Variants in MAF observed in about 807,000 individuals in gnomAD.
The protein encoded by MAF is transcription factor Maf.
A neutral mutation model predicts 22.0 loss-of-function variants in MAF; 10 were observed. The observed-to-expected ratio is 0.45, with a 90% CI of 0.28 to 0.77. The LOEUF (loss-of-function observed/expected upper bound fraction) is 0.77, where lower values mean the gene tolerates loss of function less well. Among genes scored for constraint, MAF ranks in the 30% least tolerant of loss-of-function variants. MAF has a pLI of 0.12. For synonymous variants in MAF, 337 were observed against 255.8 expected, an observed-to-expected ratio of 1.32 and a Z score of -3.03; for missense variants, 544 against 548.4, an observed-to-expected ratio of 0.99 and a Z score of 0.08.
the MAF span, among the ~76,000 whole-genome samples, chr16:79,341,639 T>G: frequency 1.3e-5 from 2 of 152,226 alleles, no homozygotes; most frequent in African/African-American, 4.8e-5. Flanking sequence ...TTAGGTTGGC[T>G]ATTGAAGACT....
At chr16:79,562,207 C>G in the MAF span, among the ~76,000 whole-genome samples, 2 of 152,128 alleles carry the variant, frequency 1.3e-5, no homozygotes, top group South Asian at 4.2e-4. Context: ...CATTCTGTTC[C>G]CAGTCTTTAC....
the MAF span, among the ~76,000 whole-genome samples, chr16:79,545,907 G>GA: frequency 2.0e-4 from 30 of 151,828 alleles, no homozygotes; most frequent in Non-Finnish European, 2.9e-5. Flanking sequence ...TCACTACCAA[G>GA]AAAAAAATAA....
chr16:79,556,983 TA>T, the MAF span, among the ~76,000 whole-genome samples: 1,458 of 145,936 alleles, frequency 1.0e-2, 40 homozygotes, highest in African/African-American at 0.033. Flanking sequence ...CAACAAGCTT[TA>T]AAAAAAAAAA....
the MAF span, among the ~76,000 whole-genome samples, chr16:79,283,076 G>T: frequency 6.6e-6 from 1 of 152,194 alleles, no homozygotes; most frequent in African/African-American, 2.4e-5. Flanking sequence ...GGGGAATAGG[G>T]AATGTTTCTG....
At chr16:79,540,882 T>G in the MAF span, among the ~76,000 whole-genome samples, 1 of 152,164 alleles carries the variant, frequency 6.6e-6, no homozygotes, top group Non-Finnish European at 1.5e-5. Flanking sequence ...CTAGGTTAAT[T>G]ATTACTCTTT....
At chr16:79,386,671 G>C in the MAF span, among the ~76,000 whole-genome samples, 1 of 152,094 alleles carries the variant, frequency 6.6e-6, no homozygotes, top group African/African-American at 2.4e-5. Flanking sequence ...AGATTGTAAA[G>C]CATGATGATG....
At chr16:79,428,791 G>C in the MAF span, among the ~76,000 whole-genome samples, 1,404 of 152,036 alleles carry the variant, frequency 9.2e-3, 21 homozygotes, top group African/African-American at 0.032. Context: ...GCTGCAGTGA[G>C]CTGAGATTGT....
chr16:79,534,002 G>A, the MAF span, among the ~76,000 whole-genome samples: 1 of 152,140 alleles, frequency 6.6e-6, no homozygotes, highest in African/African-American at 2.4e-5. Context: ...TCACCTGAAG[G>A]CCTCACTGTC....
At chr16:79,407,558 G>A in the MAF span, among the ~76,000 whole-genome samples, 3 of 152,054 alleles carry the variant, frequency 2.0e-5, no homozygotes, top group African/African-American at 7.2e-5. Context: ...CTGAACTCAC[G>A]GTTTAATTAT....
At chr16:79,528,410 G>A in the MAF span, among the ~76,000 whole-genome samples, 1 of 152,174 alleles carries the variant, frequency 6.6e-6, no homozygotes, top group Non-Finnish European at 1.5e-5. Context: ...CCAGGGGCCA[G>A]GAAATCATCC....
chr16:79,531,103 T>C, the MAF span, among the ~76,000 whole-genome samples: 4 of 152,342 alleles, frequency 2.6e-5, no homozygotes, highest in East Asian at 7.7e-4. Flanking sequence ...TATGTACTCT[T>C]AACTTTCTAG....
At chr16:79,596,243 A>C in intron 1 of MAF, 1 of 1,060,116 alleles carries the variant, frequency 9.4e-7, no homozygotes, top group Non-Finnish European at 1.1e-6. Context: ...ACTCATTTGA[A>C]AACTGAAAAC....
chr16:79,268,281 T>A, the MAF span, among the ~76,000 whole-genome samples: 1 of 152,026 alleles, frequency 6.6e-6, no homozygotes, highest in African/African-American at 2.4e-5. Flanking sequence ...AATGTAGTCG[T>A]CTCAGCCTGA....
the MAF span, among the ~76,000 whole-genome samples, chr16:79,376,333 T>C: frequency 6.6e-6 from 1 of 152,100 alleles, no homozygotes; most frequent in Admixed American, 6.5e-5. Flanking sequence ...TCTTCAATCT[T>C]CTCTGCTTTT....
At chr16:79,345,131 G>T in the MAF span, among the ~76,000 whole-genome samples, 3 of 152,088 alleles carry the variant, frequency 2.0e-5, no homozygotes, top group East Asian at 5.8e-4. Flanking sequence ...AACCGTTATT[G>T]TTTTCACTTG....
At chr16:79,574,268 C>A in the MAF span, among the ~76,000 whole-genome samples, 11 of 152,186 alleles carry the variant, frequency 7.2e-5, no homozygotes, top group Admixed American at 1.3e-4. Flanking sequence ...CAGCCAGCAC[C>A]ATTTTCCCTC....
chr16:79,588,101 G>A (rs1343110778), intron 1 of MAF, among the ~76,000 whole-genome samples: 2 of 152,188 alleles, frequency 1.3e-5, no homozygotes, highest in Non-Finnish European at 2.9e-5. Context: ...CCTAACAATT[G>A]AAGAGTTCTT....
At chr16:79,537,532 C>A in the MAF span, among the ~76,000 whole-genome samples, 1 of 152,150 alleles carries the variant, frequency 6.6e-6, no homozygotes, top group Non-Finnish European at 1.5e-5. Flanking sequence ...TAGACTCATG[C>A]CTATGTTCCT....
chr16:79,459,282 G>A, the MAF span, among the ~76,000 whole-genome samples: 1 of 152,126 alleles, frequency 6.6e-6, no homozygotes, highest in African/African-American at 2.4e-5. Flanking sequence ...TTCCATTTTG[G>A]CATATATTCT....
Sources: allele counts gnomAD v4.1 joint callset (sites outside exome capture counted in the v4.1 genomes callset), GRCh38; gene constraint gnomAD v4.1.1; transcripts MANE v1.5; gene names NCBI Gene and HGNC (gene_info 2026-07-23, HGNC 2026-07-21).